The following VPS45 variants were observed in gnomAD, a reference collection of about 807,000 sequenced individuals.
VPS45 encodes the protein vacuolar protein sorting 45 homolog.
Under a neutral mutation model 75.9 loss-of-function variants are expected in VPS45, and 35 were observed. The ratio of observed to expected loss-of-function variants is 0.46; its 90% CI spans 0.35 to 0.61. The LOEUF is 0.61. VPS45 is among the 20% of genes least tolerant of loss of function. VPS45 has a pLI of 0.00. For synonymous variants in VPS45, 220 were observed against 238.2 expected (o/e 0.92, Z 0.70); for missense variants, 559 against 685.9 (o/e 0.81, Z 2.07).
At position 150,081,959 on chromosome 1, in the gene VPS45, A is replaced by G. The variant is rs782739886; in HGVS notation, c.898A>G (p.Lys300Glu). ...LMEDFQKKKP[K>E]EQQKLESIAD... ...GGAAGATTTTCAGAAGAAGAAACCA[A>G]AAGAACAGCAAAAACTAGAATCAAT... Residue 300 changes from lysine to glutamate, a missense_variant, in exon 9 of 15, where the codon AAA (lysine) becomes GAA (glutamate). Physicochemically the swap from Lys to Glu is moderately conservative, Grantham distance 56. Coordinates refer to ENST00000644510, the MANE Select transcript of VPS45 (RefSeq NM_007259.5). 9.3e-6 allele frequency: 15 copies of G among 1,612,888 alleles called. No homozygotes were observed. The East Asian group carries it at 2.7e-4, about 29-fold the overall frequency.
chr1:150,115,832 C>T (rs1657903130), intron 14 of VPS45, among the ~76,000 whole-genome samples: 1 of 151,960 alleles, frequency 6.6e-6, no homozygotes. Context: ...ATTTTCTTAC[C>T]GAGGCCTAAG....
intron 14 of VPS45, among the ~76,000 whole-genome samples, chr1:150,117,524 A>AAAATAAAT (rs587679181): frequency 3.3e-5 from 5 of 150,912 alleles, no homozygotes; most frequent in South Asian, 2.1e-4. Context: ...CTCTGTCTCA[A>AAAATAAAT]AAATAAATAA....
intron 8 of VPS45, 115 bp downstream of exon 8, chr1:150,081,591 C>A: frequency 8.1e-7 from 1 of 1,231,466 alleles, no homozygotes; most frequent in Non-Finnish European, 1.1e-6. Flanking sequence ...ATGATAGGGG[C>A]ATCCTGTGCA....
chr1:150,098,441 T>C (rs1021117849), intron 13 of VPS45, among the ~76,000 whole-genome samples: 1 of 152,254 alleles, frequency 6.6e-6, no homozygotes, highest in Non-Finnish European at 1.5e-5. Flanking sequence ...ATAAACTTAA[T>C]TGATGCTATA....
intron 13 of VPS45, among the ~76,000 whole-genome samples, chr1:150,097,670 G>A (rs1656748007): frequency 6.6e-6 from 1 of 151,862 alleles, no homozygotes; most frequent in Non-Finnish European, 1.5e-5. Flanking sequence ...AGTGAGCCGA[G>A]ATTATGCCAT....
intron 14 of VPS45, among the ~76,000 whole-genome samples, chr1:150,130,840 G>A (rs1380021226): frequency 2.6e-5 from 4 of 152,120 alleles, no homozygotes; most frequent in Admixed American, 6.6e-5. Context: ...TATACTATGT[G>A]CCAGGCAGTT....
intron 14 of VPS45, among the ~76,000 whole-genome samples, chr1:150,128,019 T>C (rs1658605101): frequency 6.6e-6 from 1 of 152,114 alleles, no homozygotes; most frequent in Non-Finnish European, 1.5e-5. Context: ...ATGACTAACT[T>C]GGCCAGGCAT....
intron 13 of VPS45, among the ~76,000 whole-genome samples, chr1:150,096,388 G>A (rs1656658285): frequency 6.6e-6 from 1 of 152,090 alleles, no homozygotes; most frequent in African/African-American, 2.4e-5. Context: ...GAAGTTGAGA[G>A]GTAGTTATTG....
chr1:150,096,061 T>A (rs1656632727), intron 13 of VPS45, among the ~76,000 whole-genome samples: 1 of 152,030 alleles, frequency 6.6e-6, no homozygotes, highest in African/African-American at 2.4e-5. Flanking sequence ...TGGCACAGAT[T>A]TATGGAACAA....
chr1:150,107,270 G>T (rs1167192964), intron 13 of VPS45, among the ~76,000 whole-genome samples: 1 of 152,094 alleles, frequency 6.6e-6, no homozygotes, highest in African/African-American at 2.4e-5. Context: ...TATTCCACAG[G>T]TATCTAAAAC....
chr1:150,140,329 TAAG>T (rs1659319268), intron 14 of VPS45, among the ~76,000 whole-genome samples: 1 of 151,634 alleles, frequency 6.6e-6, no homozygotes, highest in Non-Finnish European at 1.5e-5. Flanking sequence ...GCATTATAGT[TAAG>T]AAGACAAACT....
At chr1:150,091,122 A>G (rs1456737590) in intron 10 of VPS45, among the ~76,000 whole-genome samples, 1 of 152,252 alleles carries the variant, frequency 6.6e-6, no homozygotes, top group Non-Finnish European at 1.5e-5. Flanking sequence ...CATTAAAGAA[A>G]CATGTATATA....
chr1:150,144,680 C>T, intron 14 of VPS45, 29 bp from the exon 15 acceptor site: 8 of 1,577,854 alleles, frequency 5.1e-6, no homozygotes, highest in Non-Finnish European at 6.9e-6. Flanking sequence ...TTTGTTTTTT[C>T]CTTCAAGTAA....
At chr1:150,095,573 C>T (rs1656599373) in intron 13 of VPS45, among the ~76,000 whole-genome samples, 1 of 151,200 alleles carries the variant, frequency 6.6e-6, no homozygotes, top group South Asian at 2.1e-4. Context: ...GAAATTTGCA[C>T]CGTTGCACTC....
intron 10 of VPS45, among the ~76,000 whole-genome samples, chr1:150,086,561 A>G (rs587768065): frequency 5.3e-5 from 8 of 152,198 alleles, no homozygotes; most frequent in Non-Finnish European, 1.5e-5. Context: ...CATTGAACTG[A>G]CTGACAATTT....
chr1:150,092,236 T>C, intron 11 of VPS45, 66 bp from the exon 12 acceptor site: 1 of 1,547,038 alleles, frequency 6.5e-7, no homozygotes, highest in Non-Finnish European at 8.8e-7. Context: ...CTTAATAAAA[T>C]TATTTTCTTA....
Position 150,080,955 on chromosome 1 carries a change from T to C in VPS45, c.688-387T>C, listed in dbSNP as rs76571528. 5.6e-3 allele frequency among the ~76,000 whole-genome samples: 860 copies of C among 152,280 alleles called. 4 individuals carry two copies. The highest frequency in any genetic ancestry group is 0.019 in the African/African-American group (804 of 41,552). On this transcript the variant is annotated intron_variant, in intron 7 of 14. Transcript: ENST00000644510. ...ACACTTCTCATGCTGCAGAAAACCA[T>C]AGAAGCATACAGGAAATGGTACAGC...
intron 14 of VPS45, among the ~76,000 whole-genome samples, chr1:150,141,131 T>C (rs1355466620): frequency 6.6e-6 from 1 of 152,244 alleles, no homozygotes; most frequent in Non-Finnish European, 1.5e-5. Flanking sequence ...CCCACTCCCA[T>C]ACTCCTAACT....
chr1:150,087,025 A>G (rs781940297), intron 10 of VPS45, among the ~76,000 whole-genome samples: 1 of 151,894 alleles, frequency 6.6e-6, no homozygotes, highest in South Asian at 2.1e-4. Flanking sequence ...AATCTGTATA[A>G]TAGTTTGAAA....
Sources: gnomAD v4.1 joint callset for allele counts (sites outside exome capture counted in the v4.1 genomes callset) on GRCh38, gnomAD v4.1.1 for gene constraint, MANE v1.5 for transcripts, NCBI Gene and HGNC (gene_info 2026-07-23, HGNC 2026-07-21) for gene names.